The following MCTP1 variants were observed in gnomAD, a reference collection of about 807,000 sequenced individuals.
MCTP1 encodes the protein multiple C2 and transmembrane domain-containing protein 1.
In MCTP1, 69 loss-of-function variants were observed where a neutral mutation model predicts 120.6. The ratio of observed to expected loss-of-function variants is 0.57; its 90% CI spans 0.47 to 0.70. The LOEUF (loss-of-function observed/expected upper bound fraction) is 0.70, where lower values mean the gene tolerates loss of function less well. MCTP1 is among the 30% of genes least tolerant of loss of function. The probability of loss-of-function intolerance (pLI) is 0.00; values close to 1 mark genes in which losing one functional copy is unlikely to be tolerated. For synonymous variants in MCTP1, 529 were observed against 493.1 expected (o/e 1.07, Z -0.96); for missense variants, 1,203 against 1,248.8 (o/e 0.96, Z 0.55).
At chr5:94,967,235 T>C (rs1825837253) in intron 2 of MCTP1, among the ~76,000 whole-genome samples, 1 of 152,214 alleles carries the variant, frequency 6.6e-6, no homozygotes, top group African/African-American at 2.4e-5. Context: ...AGATGGTTCC[T>C]AGAATCCTGC....
At chr5:94,714,960 T>C (rs996084767) in intron 19 of MCTP1, 74 bp from the exon 20 acceptor site, 15 of 869,092 alleles carry the variant, frequency 1.7e-5, no homozygotes, top group Middle Eastern at 2.3e-4. Flanking sequence ...GTGTTGTCCC[T>C]CTGTTACATT....
At chr5:95,155,628 T>A (rs1215077529) in intron 1 of MCTP1, among the ~76,000 whole-genome samples, 1 of 152,008 alleles carries the variant, frequency 6.6e-6, no homozygotes, top group Non-Finnish European at 1.5e-5. Context: ...GGATTTTAAT[T>A]ATATTCCAAT....
At chr5:95,099,506 A>T (rs1756545211) in intron 1 of MCTP1, among the ~76,000 whole-genome samples, 1 of 152,132 alleles carries the variant, frequency 6.6e-6, no homozygotes, top group Non-Finnish European at 1.5e-5. Flanking sequence ...TATGCAGCCA[A>T]AAAACACATG....
chr5:94,770,242 C>T (rs989270020), intron 19 of MCTP1, among the ~76,000 whole-genome samples: 1 of 152,140 alleles, frequency 6.6e-6, no homozygotes, highest in Non-Finnish European at 1.5e-5. Flanking sequence ...ACTCTGCCAG[C>T]GATCCTGAAA....
intron 19 of MCTP1, among the ~76,000 whole-genome samples, chr5:94,747,980 C>T (rs1767324365): frequency 6.6e-6 from 1 of 152,102 alleles, no homozygotes; most frequent in African/African-American, 2.4e-5. Context: ...ATCCCAGGTA[C>T]TTGGGAGGCT....
chr5:95,054,470 TTCTGAGATG>T (rs1746828016), intron 1 of MCTP1, among the ~76,000 whole-genome samples: 1 of 152,212 alleles, frequency 6.6e-6, no homozygotes, highest in African/African-American at 2.4e-5. Context: ...ATCTCTCCAG[TTCTGAGATG>T]TCTGAGGACT....
intron 1 of MCTP1, among the ~76,000 whole-genome samples, chr5:95,195,658 A>C (rs1270318650): frequency 2.0e-5 from 3 of 152,174 alleles, no homozygotes; most frequent in Non-Finnish European, 4.4e-5. Flanking sequence ...TGCCGAGTTG[A>C]TAGAGCGCTA....
intron 5 of MCTP1, among the ~76,000 whole-genome samples, chr5:94,932,592 A>C (rs1815061729): frequency 6.6e-6 from 1 of 152,072 alleles, no homozygotes; most frequent in African/African-American, 2.4e-5. Context: ...AAAAGTTTTA[A>C]TTAAGGTTCT....
intron 1 of MCTP1, among the ~76,000 whole-genome samples, chr5:95,190,644 T>C (rs561780693): frequency 6.6e-6 from 1 of 151,884 alleles, no homozygotes; most frequent in South Asian, 2.1e-4. Context: ...CAAGTTTCCT[T>C]ACTAAAAAAA....
chr5:94,708,435 T>C, intron 22 of MCTP1, 77 bp downstream of exon 22: 3 of 866,322 alleles, frequency 3.5e-6, no homozygotes, highest in Non-Finnish European at 5.6e-6. Context: ...CCTTTGAAAT[T>C]AGAAGGATAT....
At chr5:95,163,382 C>A (rs1745964470) in intron 1 of MCTP1, among the ~76,000 whole-genome samples, 1 of 152,116 alleles carries the variant, frequency 6.6e-6, no homozygotes, top group Non-Finnish European at 1.5e-5. Context: ...ATTGATGTTT[C>A]CTGGTTGGCA....
At chr5:95,093,012 T>A (rs1442137267) in intron 1 of MCTP1, among the ~76,000 whole-genome samples, 2 of 152,242 alleles carry the variant, frequency 1.3e-5, no homozygotes, top group Non-Finnish European at 1.5e-5. Flanking sequence ...ATCTATGGTT[T>A]GGATTCATAG....
chr5:94,907,200 G>A (rs1023702247), intron 10 of MCTP1, among the ~76,000 whole-genome samples: 12 of 152,124 alleles, frequency 7.9e-5, no homozygotes, highest in African/African-American at 2.4e-4. Flanking sequence ...TTAGAGACCT[G>A]GAATTTTCAG....
chr5:95,021,983 A>G (rs1838277446), intron 1 of MCTP1, among the ~76,000 whole-genome samples: 1 of 152,158 alleles, frequency 6.6e-6, no homozygotes, highest in Non-Finnish European at 1.5e-5. Flanking sequence ...GCATATGTTA[A>G]TAAGATCATA....
chr5:95,184,151 TATAATA>T (rs751363607), intron 1 of MCTP1, among the ~76,000 whole-genome samples: 1 of 151,766 alleles, frequency 6.6e-6, no homozygotes, highest in African/African-American at 2.4e-5. Flanking sequence ...GATCTTAAAG[TATAATA>T]ATAATAATAA....
chr5:95,068,404 C>A (rs1391732228), intron 1 of MCTP1, among the ~76,000 whole-genome samples: 2 of 152,142 alleles, frequency 1.3e-5, no homozygotes, highest in Non-Finnish European at 2.9e-5. Flanking sequence ...ACATAGGAAT[C>A]TGATCACAAT....
At chr5:95,009,680 C>A (rs1184779309) in intron 2 of MCTP1, among the ~76,000 whole-genome samples, 3 of 152,094 alleles carry the variant, frequency 2.0e-5, no homozygotes, top group Non-Finnish European at 4.4e-5. Flanking sequence ...CTGGAACTTT[C>A]CAATTGCAGC....
intron 17 of MCTP1, among the ~76,000 whole-genome samples, chr5:94,810,425 G>T (rs1214959971): frequency 6.6e-6 from 1 of 152,060 alleles, no homozygotes; most frequent in Non-Finnish European, 1.5e-5. Flanking sequence ...ATCCTGAACA[G>T]GTACAATATT....
chr5:94,975,389 C>T (rs751462858), intron 2 of MCTP1, among the ~76,000 whole-genome samples: 15 of 151,834 alleles, frequency 9.9e-5, no homozygotes, highest in Non-Finnish European at 1.0e-4. Context: ...AGAAGAGACA[C>T]GGGAGCTCTC....
Sources: allele counts gnomAD v4.1 joint callset (sites outside exome capture counted in the v4.1 genomes callset), GRCh38; gene constraint gnomAD v4.1.1; transcripts MANE v1.5; gene names NCBI Gene and HGNC (gene_info 2026-07-23, HGNC 2026-07-21).